The following SOX30 variants were observed in gnomAD, a reference collection of about 807,000 sequenced individuals.
The protein encoded by SOX30 is transcription factor SOX-30.
In SOX30, 17 loss-of-function variants were observed where a neutral mutation model predicts 58.6. The observed-to-expected ratio is 0.29, with a 90% confidence interval of 0.20 to 0.44. SOX30 has a LOEUF of 0.44. SOX30 is among the 20% of genes least tolerant of loss of function. The pLI is 1.00. For missense variants in SOX30, 951 were observed against 965.8 expected, an observed-to-expected ratio of 0.98 and a Z score of 0.20; for synonymous variants, 421 against 400.2, an observed-to-expected ratio of 1.05 and a Z score of -0.62.
rs1460898127 is a variant in SOX30 at position 157,625,818 on chromosome 5, C to T, written c.*522G>A. 1 of 152,504 alleles carries T rather than the reference C, an allele frequency of 6.6e-6. No homozygotes were observed. Among genetic ancestry groups the T allele is most frequent in the African/African-American group, 2.4e-5 (1 of 41,406 alleles). The allele number at this position is 152,504 out of a possible 1,614,324, so 9.4% of individuals were successfully genotyped here. On this transcript the variant is annotated 3_prime_UTR_variant, in exon 5 of 5. Transcript: ENST00000265007. ...AAGAATCACCCAGGTGCCATTAAAA[C>T]ACATTTGGAACTTATAATTGGTTAT...
At position 157,652,225 on chromosome 5, in the gene SOX30, C is replaced by T. The variant is rs1759375435; in HGVS notation, c.-147G>A. The T allele has an allele frequency of 7.8e-7, 1 of 1,284,446 alleles. No homozygotes were observed. Among genetic ancestry groups the T allele is most frequent in the African/African-American group, 1.5e-5 (1 of 64,738 alleles). 79.6% of individuals were successfully genotyped at this position (1,284,446 alleles called of 1,614,324 possible). On this transcript the variant is annotated 5_prime_UTR_variant, in exon 1 of 5. The change creates a new upstream start codon in the 5' untranslated region. Coordinates refer to ENST00000265007, the MANE Select transcript of SOX30 (RefSeq NM_178424.2). ...AACGCAGCTGTCTGTCTGGGCCTCA[C>T]CCAATCACAACGACCGATACCCGTG...
intron 4 of SOX30, among the ~76,000 whole-genome samples, chr5:157,631,597 C>T (rs1196802974): frequency 6.6e-6 from 1 of 151,882 alleles, no homozygotes; most frequent in Non-Finnish European, 1.5e-5. Flanking sequence ...CCCGTCTCTA[C>T]TAAAAATACA....
rs1380578059 is a variant in SOX30, at chr5:157,638,374, G to A, written c.1736C>T (p.Pro579Leu). The A allele has an allele frequency of 6.2e-7, 1 of 1,613,832 alleles. No homozygotes were observed. The highest frequency in any genetic ancestry group is 1.7e-5 in the Admixed American group (1 of 60,004). ...TGGAATGGGAGAAGCCTGGGGGATT[G>A]GAGCACTTCTGGGACAAGGGGAAAC... Reference protein sequence around the residue: ...SSVSPCPRSAPIPQASPIPHP... With the variant: ...SSVSPCPRSALIPQASPIPHP... The change falls in exon 4 of 5, where the codon CCA becomes CTA. Residue 579 changes from proline (P) to leucine (L), a missense_variant. Around this residue, in one of 7 missense-constraint regions of SOX30, gnomAD observed 381 missense variants for 390.0 expected, o/e 0.98. Transcript: ENST00000265007.
In SOX30 at chr5:157,650,561, ATATTTC is replaced by A. The variant is rs1329482030; in HGVS notation, c.967+545_967+550del. On this transcript the variant is annotated intron_variant, in intron 1 of 4. Coordinates refer to ENST00000265007, the MANE Select transcript of SOX30 (RefSeq NM_178424.2). Reference sequence around the variant, plus strand: ...GGCTCATTCTACTGTATTCTTTTCAATATTTCTATAAGTCATTACCTTTCAGAGGAA... The same window carrying A: ...GGCTCATTCTACTGTATTCTTTTCAATATAAGTCATTACCTTTCAGAGGAA... 2.6e-5 allele frequency among the ~76,000 whole-genome samples: 4 copies of A among 152,184 alleles called. No individual in the cohort carries two copies. In the East Asian group the frequency reaches 7.7e-4, roughly 29 times the overall value.
intron 4 of SOX30, among the ~76,000 whole-genome samples, chr5:157,631,034 CAATA>C (rs1339040667): frequency 5.9e-5 from 5 of 84,714 alleles, no homozygotes; most frequent in Non-Finnish European, 1.1e-4. Flanking sequence ...TATATATATA[CAATA>C]TATATATTTT....
chr5:157,640,683 CTAGAATGACGATCTAGAAT>C (rs1294423334), intron 3 of SOX30, among the ~76,000 whole-genome samples: 5 of 152,140 alleles, frequency 3.3e-5, no homozygotes, highest in African/African-American at 1.2e-4. Flanking sequence ...CTGGCAAATT[CTAGAATGACGATCTAGAAT>C]TAGAATGACG....
intron 2 of SOX30, among the ~76,000 whole-genome samples, chr5:157,660,819 T>G (rs1310598883): frequency 6.6e-6 from 1 of 152,220 alleles, no homozygotes; most frequent in Non-Finnish European, 1.5e-5. Context: ...TTTAGGTTCA[T>G]CATATCAATT....
chr5:157,658,241 C>A (rs541404372), intron 2 of SOX30, among the ~76,000 whole-genome samples: 34 of 152,302 alleles, frequency 2.2e-4, no homozygotes, highest in Non-Finnish European at 4.4e-4. Flanking sequence ...CTTTATACAA[C>A]TAATCAGGCC....
chr5:157,661,541 G>A (rs956768608), intron 2 of SOX30, among the ~76,000 whole-genome samples: 1 of 152,174 alleles, frequency 6.6e-6, no homozygotes, highest in Non-Finnish European at 1.5e-5. Flanking sequence ...AAATGAATGG[G>A]CTTGGCTTTG....
At chr5:157,629,711 C>T (rs1187029249) in intron 4 of SOX30, among the ~76,000 whole-genome samples, 1 of 152,188 alleles carries the variant, frequency 6.6e-6, no homozygotes, top group African/African-American at 2.4e-5. Context: ...TTCAATATAA[C>T]ACTGAACAAC....
chr5:157,661,885 G>C (rs973957564), intron 2 of SOX30, among the ~76,000 whole-genome samples: 15 of 102,392 alleles, frequency 1.5e-4, no homozygotes, highest in Non-Finnish European at 2.5e-4. Flanking sequence ...GCTGTAAAGT[G>C]TCCCCTTCTA....
intron 4 of SOX30, among the ~76,000 whole-genome samples, chr5:157,631,532 G>A (rs1460267827): frequency 1.8e-4 from 27 of 152,018 alleles, no homozygotes; most frequent in African/African-American, 5.3e-4. Flanking sequence ...AGGCCGAGGC[G>A]TGTGGATCAC....
chr5:157,653,587 G>C (rs1215596275), upstream of SOX30, among the ~76,000 whole-genome samples: 1 of 152,090 alleles, frequency 6.6e-6, no homozygotes, highest in South Asian at 2.1e-4. Context: ...TCTCCTTTTA[G>C]TAGGATTGTG....
chr5:157,666,229 G>A (rs904057086), intron 2 of SOX30, among the ~76,000 whole-genome samples: 12 of 151,836 alleles, frequency 7.9e-5, no homozygotes, highest in African/African-American at 2.4e-4. Flanking sequence ...ATCATGGCTC[G>A]CTGTATTCTT....
chr5:157,628,647 T>A (rs1758719728), intron 4 of SOX30, among the ~76,000 whole-genome samples: 1 of 150,862 alleles, frequency 6.6e-6, no homozygotes, highest in Non-Finnish European at 1.5e-5. Flanking sequence ...GTGCTTCTTT[T>A]TTTTTTTTTT....
intron 3 of SOX30, among the ~76,000 whole-genome samples, chr5:157,642,556 T>C (rs1223621481): frequency 6.6e-6 from 1 of 151,564 alleles, no homozygotes; most frequent in African/African-American, 2.4e-5. Context: ...CATAGAAAAA[T>C]GGAGATTATT....
intron 2 of SOX30, among the ~76,000 whole-genome samples, chr5:157,661,970 A>C (rs981257463): frequency 9.9e-5 from 15 of 152,176 alleles, no homozygotes; most frequent in African/African-American, 3.1e-4. Context: ...AAAACCATGG[A>C]GGCCTGGACT....
intron 3 of SOX30, among the ~76,000 whole-genome samples, chr5:157,643,149 C>T (rs947004539): frequency 2.1e-4 from 32 of 152,138 alleles, no homozygotes; most frequent in Non-Finnish European, 1.3e-4. Context: ...TCTGTCCAGG[C>T]ATGATGGCTC....
rs138641520 is a variant in SOX30, at chr5:157,657,980, C to T, written c.53-9084G>A. 6.7e-3 allele frequency among the ~76,000 whole-genome samples: 1,020 copies of T among 152,276 alleles called. 3 individuals are homozygous for T. Among genetic ancestry groups the T allele is most frequent in the Non-Finnish European group, 9.7e-3 (662 of 68,014 alleles). On this transcript the variant is annotated intron_variant, in intron 2 of 5. Coordinates refer to the SOX30 transcript ENST00000519442. ...GGGAATTGGCCTCAGACCTTGTCTACAACAGCCCCTGTACAGGGTTTCTGA... is the reference window on the plus strand; with the variant it reads ...GGGAATTGGCCTCAGACCTTGTCTATAACAGCCCCTGTACAGGGTTTCTGA...
Sources: allele counts gnomAD v4.1 joint callset (sites outside exome capture counted in the v4.1 genomes callset), GRCh38; gene constraint gnomAD v4.1.1; regional missense constraint gnomAD v4.1.1; transcripts MANE v1.5; gene names NCBI Gene and HGNC (gene_info 2026-07-23, HGNC 2026-07-21).